The following RBFOX1 variants were observed in gnomAD, a reference collection of about 807,000 sequenced individuals.
The protein encoded by RBFOX1 is RNA binding protein fox-1 homolog 1.
A neutral mutation model predicts 57.7 loss-of-function variants in RBFOX1; 8 were observed. The observed-to-expected ratio is 0.14, with a 90% CI of 0.08 to 0.25. RBFOX1 has a LOEUF of 0.25. RBFOX1 is among the 10% of genes least tolerant of loss of function. The pLI is 1.00. For synonymous variants in RBFOX1, 326 were observed against 222.4 expected (o/e 1.47, Z -4.15); for missense variants, 611 against 548.5 (o/e 1.11, Z -1.14).
intron 4 of RBFOX1, among the ~76,000 whole-genome samples, chr16:7,257,657 C>T (rs1019618064): frequency 6.6e-6 from 1 of 152,216 alleles, no homozygotes; most frequent in Non-Finnish European, 1.5e-5. Context: ...CAACCCTCCT[C>T]TGTAGCCATC....
intron 4 of RBFOX1, among the ~76,000 whole-genome samples, chr16:7,287,080 A>G (rs987527712): frequency 6.6e-6 from 1 of 152,178 alleles, no homozygotes; most frequent in South Asian, 2.1e-4. Flanking sequence ...ACTTTGTTCC[A>G]AGATCATTAT....
intron 4 of RBFOX1, among the ~76,000 whole-genome samples, chr16:5,883,393 A>G (rs1192171221): frequency 2.0e-5 from 3 of 152,206 alleles, no homozygotes; most frequent in Non-Finnish European, 4.4e-5. Context: ...ACTTTTTCTG[A>G]CATTCTCTAA....
intron 5 of RBFOX1, among the ~76,000 whole-genome samples, chr16:7,524,680 C>T (rs1280009131): frequency 1.3e-5 from 2 of 152,222 alleles, no homozygotes; most frequent in Non-Finnish European, 2.9e-5. Context: ...GCTCTACTGA[C>T]AGGGAAAAGA....
At chr16:6,740,230 CAG>C (rs1482014748) in intron 3 of RBFOX1, among the ~76,000 whole-genome samples, 1 of 151,944 alleles carries the variant, frequency 6.6e-6, no homozygotes, top group African/African-American at 2.4e-5. Flanking sequence ...CCAGAAGTCT[CAG>C]AAAAAAATAA....
chr16:6,974,827 C>G (rs934462379), intron 3 of RBFOX1, among the ~76,000 whole-genome samples: 1 of 152,074 alleles, frequency 6.6e-6, no homozygotes, highest in African/African-American at 2.4e-5. Context: ...GGCTTGTAGT[C>G]CTTTTACTTC....
intron 3 of RBFOX1, among the ~76,000 whole-genome samples, chr16:6,657,875 C>A (rs575298431): frequency 2.6e-5 from 4 of 152,068 alleles, no homozygotes; most frequent in African/African-American, 9.6e-5. Flanking sequence ...CTTCACAGAA[C>A]CCCTATAGGA....
At position 6,782,922 on chromosome 16, in the gene RBFOX1, G is replaced by C. The variant is rs563830623; in HGVS notation, c.-16+128272G>C. ...ATATATCTGAGTGATCCAGCATTAGGTTTATATATATTTACAGTTCTTATA... is the reference window on the plus strand; with the variant it reads ...ATATATCTGAGTGATCCAGCATTAGCTTTATATATATTTACAGTTCTTATA... On this transcript the variant is annotated intron_variant, in intron 3 of 15. Coordinates refer to ENST00000550418, the MANE Select transcript of RBFOX1 (RefSeq NM_018723.4). Among the ~76,000 whole-genome samples the C allele has an allele frequency of 2.0e-5, 3 of 152,102 alleles. No homozygotes were observed. In the East Asian group the frequency reaches 5.8e-4, roughly 29 times the overall value.
At chr16:7,481,612 C>A (rs2063955776) in intron 4 of RBFOX1, among the ~76,000 whole-genome samples, 1 of 152,168 alleles carries the variant, frequency 6.6e-6, no homozygotes, top group African/African-American at 2.4e-5. Context: ...ATAACTACAG[C>A]AAATAACAAT....
intron 3 of RBFOX1, among the ~76,000 whole-genome samples, chr16:6,982,455 G>A (rs1028984205): frequency 2.6e-5 from 4 of 152,066 alleles, no homozygotes; most frequent in African/African-American, 4.8e-5. Flanking sequence ...TCATTGCAGC[G>A]AGCTCCTTCT....
intron 1 of RBFOX1, among the ~76,000 whole-genome samples, chr16:5,387,853 A>C (rs2066298115): frequency 6.6e-6 from 1 of 152,148 alleles, no homozygotes; most frequent in Non-Finnish European, 1.5e-5. Flanking sequence ...TCCCAGCGGG[A>C]TTGATGTAAT....
At chr16:5,454,393 T>G (rs1007368289) in intron 1 of RBFOX1, among the ~76,000 whole-genome samples, 1 of 152,270 alleles carries the variant, frequency 6.6e-6, no homozygotes, top group Non-Finnish European at 1.5e-5. Flanking sequence ...ATTTTATTAA[T>G]GTTTATCAAC....
chr16:5,905,667 C>A (rs1246627282), intron 4 of RBFOX1, among the ~76,000 whole-genome samples: 3 of 152,110 alleles, frequency 2.0e-5, no homozygotes, highest in Non-Finnish European at 4.4e-5. Flanking sequence ...TCCACTCCAG[C>A]CAGAGGGAGA....
At chr16:7,172,585 T>G (rs1305667885) in intron 4 of RBFOX1, among the ~76,000 whole-genome samples, 4 of 152,160 alleles carry the variant, frequency 2.6e-5, no homozygotes, top group Non-Finnish European at 4.4e-5. Flanking sequence ...TCCTGTTGTT[T>G]CCTTCATATT....
intron 2 of RBFOX1, among the ~76,000 whole-genome samples, chr16:5,544,170 T>G (rs1380543273): frequency 6.6e-6 from 1 of 152,170 alleles, no homozygotes; most frequent in African/African-American, 2.4e-5. Flanking sequence ...AATAAATTAT[T>G]TTCTGGGCCA....
In RBFOX1 at chr16:7,156,112, T is replaced by C. The variant is rs543013152; in HGVS notation, c.27+104014T>C. On this transcript the variant is annotated intron_variant, in intron 4 of 15. Transcript: ENST00000550418. ...GTCTCAAACTCCTGGGCTTAAGCAA[T>C]CTGCCCACTTTGGCCTTCAAGGTGC... 1.7e-4 allele frequency among the ~76,000 whole-genome samples: 26 copies of C among 152,144 alleles called. 1 individual carries two copies. The South Asian group carries it at 4.6e-3, about 27-fold the overall frequency.
chr16:6,056,404 A>T (rs966148226), intron 1 of RBFOX1, among the ~76,000 whole-genome samples: 1 of 152,170 alleles, frequency 6.6e-6, no homozygotes, highest in Non-Finnish European at 1.5e-5. Context: ...TCGATCTCTC[A>T]TTCTGTCTCC....
chr16:7,485,747 T>C (rs1397150069), intron 4 of RBFOX1, among the ~76,000 whole-genome samples: 1 of 152,236 alleles, frequency 6.6e-6, no homozygotes, highest in Non-Finnish European at 1.5e-5. Flanking sequence ...ATATATGTAT[T>C]TCCCAACTCT....
chr16:7,556,140 C>G (rs2152597056), intron 5 of RBFOX1, among the ~76,000 whole-genome samples: 1 of 152,304 alleles, frequency 6.6e-6, no homozygotes. Flanking sequence ...CTTGTGGCAT[C>G]TTCATGATAG....
At chr16:6,554,618 T>A (rs74005278) in intron 2 of RBFOX1, among the ~76,000 whole-genome samples, 14,601 of 152,048 alleles carry the variant, frequency 0.096, 1,792 homozygotes, top group African/African-American at 0.29. Flanking sequence ...AATTTAAAGG[T>A]ATGGCCGAAT....
Sources: gnomAD v4.1 joint callset for allele counts (sites outside exome capture counted in the v4.1 genomes callset) on GRCh38, gnomAD v4.1.1 for gene constraint, MANE v1.5 for transcripts, NCBI Gene and HGNC (gene_info 2026-07-23, HGNC 2026-07-21) for gene names.